The following FOXN3 variants were observed in gnomAD, a reference collection of about 807,000 sequenced individuals.
FOXN3 encodes forkhead box N3.
FOXN3 carries 7 observed loss-of-function variants against 38.4 expected under a neutral mutation model. The ratio of observed to expected loss-of-function variants is 0.18; its 90% CI spans 0.10 to 0.34. FOXN3 has a LOEUF of 0.34. Among genes scored for constraint, FOXN3 ranks in the 10% least tolerant of loss-of-function variants. The pLI, the probability that FOXN3 is intolerant of heterozygous loss-of-function variation, is 1.00. For synonymous variants in FOXN3, 230 were observed against 242.2 expected (o/e 0.95, Z 0.47); for missense variants, 456 against 613.4 (o/e 0.74, Z 2.71).
chr14:89,595,399 T>A (rs1896038211), intron 1 of FOXN3, among the ~76,000 whole-genome samples: 1 of 152,162 alleles, frequency 6.6e-6, no homozygotes, highest in African/African-American at 2.4e-5. Context: ...CTTTAATTTA[T>A]CTCAATAGTG....
At chr14:89,333,150 C>T in intron 3 of FOXN3, 2 of 159,906 alleles carry the variant, frequency 1.3e-5, no homozygotes, top group South Asian at 2.9e-4. Context: ...CAGCACCAGG[C>T]CGGGCTCGGT....
At chr14:89,335,362 C>A (rs1032085103) in intron 3 of FOXN3, among the ~76,000 whole-genome samples, 3 of 152,184 alleles carry the variant, frequency 2.0e-5, no homozygotes, top group Admixed American at 1.3e-4. Flanking sequence ...GAGTGTCATT[C>A]CTACACCTGC....
chr14:89,170,265 A>G (rs1408779980), intron 5 of FOXN3, among the ~76,000 whole-genome samples: 2 of 152,226 alleles, frequency 1.3e-5, no homozygotes, highest in African/African-American at 4.8e-5. Flanking sequence ...CTACATTGGA[A>G]TGGGAGATTT....
chr14:89,479,221 G>C (rs1185303225), intron 1 of FOXN3, among the ~76,000 whole-genome samples: 1 of 152,030 alleles, frequency 6.6e-6, no homozygotes, highest in Non-Finnish European at 1.5e-5. Flanking sequence ...ACTTCAACTG[G>C]AGCTGCTGAA....
chr14:89,604,206 AACACACACACACACACAC>A (rs58288291), intron 1 of FOXN3, among the ~76,000 whole-genome samples: 3 of 146,792 alleles, frequency 2.0e-5, no homozygotes, highest in Non-Finnish European at 4.5e-5. Flanking sequence ...AGCAAAACAA[AACACACACACACACACAC>A]ACACACACAC....
chr14:89,524,371 C>CAAAAAAAAAAAAAAAAAAAAAAA (rs1301922423), intron 1 of FOXN3, among the ~76,000 whole-genome samples: 2 of 6,564 alleles, frequency 3.0e-4, no homozygotes, highest in Non-Finnish European at 7.3e-4. Flanking sequence ...GACTCCATCT[C>CAAAAAAAAAAAAAAAAAAAAAAA]AAAAAAAAAA....
intron 1 of FOXN3, among the ~76,000 whole-genome samples, chr14:89,434,512 G>A (rs1365302981): frequency 6.6e-6 from 1 of 152,070 alleles, no homozygotes; most frequent in Non-Finnish European, 1.5e-5. Context: ...TTACAGATGT[G>A]AGCCACCGTG....
At chr14:89,416,285 T>C (rs1453491721) in intron 1 of FOXN3, among the ~76,000 whole-genome samples, 1 of 152,202 alleles carries the variant, frequency 6.6e-6, no homozygotes, top group Admixed American at 6.5e-5. Context: ...ACAGGGCAAT[T>C]GGGAGCTCGC....
chr14:89,306,207 C>T (rs1887364668), intron 3 of FOXN3, among the ~76,000 whole-genome samples: 1 of 152,172 alleles, frequency 6.6e-6, no homozygotes, highest in Non-Finnish European at 1.5e-5. Context: ...CAGCACTAAA[C>T]TGCTGGTGGC....
At chr14:89,429,878 T>A (rs1892119908) in intron 1 of FOXN3, among the ~76,000 whole-genome samples, 1 of 152,206 alleles carries the variant, frequency 6.6e-6, no homozygotes, top group African/African-American at 2.4e-5. Context: ...AACACAGACA[T>A]CGCTGGCCTT....
intron 1 of FOXN3, among the ~76,000 whole-genome samples, chr14:89,523,908 G>A (rs761011104): frequency 1.3e-5 from 2 of 151,824 alleles, no homozygotes; most frequent in African/African-American, 2.4e-5. Flanking sequence ...GATTACAGGT[G>A]TGCGCCACCA....
At chr14:89,230,655 CA>C in intron 4 of FOXN3, 1 of 244,194 alleles carries the variant, frequency 4.1e-6, no homozygotes, top group Admixed American at 4.5e-5. Flanking sequence ...CGCAGAGTTC[CA>C]CAAGGGCAAA....
chr14:89,394,075 G>A (rs918908741), intron 2 of FOXN3, among the ~76,000 whole-genome samples: 1 of 151,946 alleles, frequency 6.6e-6, no homozygotes, highest in Non-Finnish European at 1.5e-5. Flanking sequence ...GAGAAAGGGG[G>A]CCAAAACTCA....
intron 1 of FOXN3, among the ~76,000 whole-genome samples, chr14:89,482,700 G>A (rs910045770): frequency 9.9e-5 from 15 of 151,988 alleles, no homozygotes; most frequent in African/African-American, 3.4e-4. Context: ...CTTGAGGCCA[G>A]GAGTTCAAGA....
intron 4 of FOXN3, among the ~76,000 whole-genome samples, chr14:89,249,814 C>A (rs1403910050): frequency 6.6e-6 from 1 of 152,132 alleles, no homozygotes; most frequent in African/African-American, 2.4e-5. Flanking sequence ...GCCCATGGGC[C>A]AAATCCATCT....
chr14:89,427,637 A>C lies in FOXN3; in HGVS notation c.-14-15147T>G, dbSNP rs191708389. Among the ~76,000 whole-genome samples, 143 of 152,050 alleles carry C rather than the reference A, an allele frequency of 9.4e-4. 1 individual carries two copies. The highest frequency in any genetic ancestry group is 3.2e-3 in the African/African-American group (131 of 41,484). ...CCGGCCAGGACTTTTTAACTGAATG[A>C]AAAGGCACTACTTGCAAAAACTCAA... On this transcript the variant is annotated intron_variant, in intron 1 of 6. Transcript: ENST00000345097.
rs1359225632 is a variant in FOXN3 at position 89,360,726 on chromosome 14, ACCACCAC to A, written c.544-9925_544-9919del. On this transcript the variant is annotated intron_variant, in intron 2 of 5. Transcript: ENST00000557258. ...CACCACCTCCAGCACTACCTCCACC[ACCACCAC>A]CTCCAGCACCACCTCCACCACCACC... 4.7e-3 allele frequency among the ~76,000 whole-genome samples: 649 copies of A among 138,272 alleles called. 40 individuals are homozygous for A. Among genetic ancestry groups the A allele is most frequent in the African/African-American group, 0.012 (415 of 34,738 alleles). 90.7% of individuals were successfully genotyped at this position (138,272 alleles called of 152,430 possible).
At chr14:89,541,056 A>G (rs1361518344) in intron 1 of FOXN3, among the ~76,000 whole-genome samples, 1 of 152,100 alleles carries the variant, frequency 6.6e-6, no homozygotes, top group Non-Finnish European at 1.5e-5. Flanking sequence ...ATTCTTACCG[A>G]TTTTGATTTC....
chr14:89,272,763 G>C (rs572110569), intron 4 of FOXN3, among the ~76,000 whole-genome samples: 1 of 152,260 alleles, frequency 6.6e-6, no homozygotes, highest in South Asian at 2.1e-4. Context: ...TGAGGCAGTA[G>C]AATCACTTGA....
Sources: allele counts gnomAD v4.1 joint callset (sites outside exome capture counted in the v4.1 genomes callset), GRCh38; gene constraint gnomAD v4.1.1; transcripts MANE v1.5; gene names NCBI Gene and HGNC (gene_info 2026-07-23, HGNC 2026-07-21).